TSGA10IP: variants seen among roughly 807,000 people sequenced by gnomAD.
The protein encoded by TSGA10IP is testis-specific protein 10-interacting protein.
In TSGA10IP, 64 loss-of-function variants were observed where a neutral mutation model predicts 63.2. The ratio of observed to expected loss-of-function variants is 1.01; its 90% CI spans 0.83 to 1.25. The LOEUF (loss-of-function observed/expected upper bound fraction) is 1.25. TSGA10IP is among the 50% of genes most tolerant of loss of function. The probability of loss-of-function intolerance (pLI) is 0.00; values close to 1 mark genes in which losing one functional copy is unlikely to be tolerated. For synonymous variants in TSGA10IP, 316 were observed against 298.3 expected (o/e 1.06, Z -0.61); for missense variants, 681 against 710.1 (o/e 0.96, Z 0.47).
chr11:65,949,199 G>C (rs1854900237), intron 4 of TSGA10IP, among the ~76,000 whole-genome samples: 3 of 152,084 alleles, frequency 2.0e-5, no homozygotes, highest in Admixed American at 2.0e-4. Context: ...GCGAGCCTCT[G>C]TTTCTAAAGC....
At chr11:65,953,799 C>A in intron 5 of TSGA10IP, 62 bp downstream of exon 5, 1 of 1,368,426 alleles carries the variant, frequency 7.3e-7, no homozygotes, top group East Asian at 2.7e-5. Context: ...TGTCAGGTCT[C>A]AGTCTACAGG....
At chr11:65,956,830 A>T (rs1237715587) in intron 5 of TSGA10IP, among the ~76,000 whole-genome samples, 1 of 152,136 alleles carries the variant, frequency 6.6e-6, no homozygotes, top group Non-Finnish European at 1.5e-5. Context: ...CGCCCAGCCA[A>T]GTGTTTTGTT....
chr11:65,946,402 G>C (rs1330856083), intron 1 of TSGA10IP, among the ~76,000 whole-genome samples: 1 of 152,058 alleles, frequency 6.6e-6, no homozygotes, highest in African/African-American at 2.4e-5. Flanking sequence ...TTAATATGCA[G>C]AACGGAGGTG....
At position 65,945,763 on chromosome 11, in the gene TSGA10IP, G is replaced by T; in HGVS notation, c.88G>T (p.Ala30Ser). The stretch of plus-strand genomic sequence containing the variant: ...ACCAGGGCAGGACGTGCGGCTCCAG[G>T]CTCCAGGAACCAGAACGGGGCTGCT... The change falls in exon 1 of 8, where the codon GCT (alanine) becomes TCT (serine). Residue 30 changes from alanine (A) to serine (S), a missense_variant. Physicochemically the swap from Ala to Ser is moderately conservative, Grantham distance 99 (BLOSUM62 1). Transcript: ENST00000532620. 6.2e-7 allele frequency: 1 copy of T among 1,613,874 alleles called. No homozygotes were observed. The highest frequency in any genetic ancestry group is 1.3e-5 in the African/African-American group (1 of 74,934).
chr11:65,945,802 A>G (rs777879300), exon 1 of TSGA10IP: 2 of 1,613,864 alleles, frequency 1.2e-6, no homozygotes, highest in Non-Finnish European at 1.7e-6. Context: ...GCTGCTGTCG[A>G]CCGTCTCTCA....
chr11:65,955,230 G>A (rs949221101), intron 5 of TSGA10IP, among the ~76,000 whole-genome samples: 1 of 148,854 alleles, frequency 6.7e-6, no homozygotes, highest in Admixed American at 6.7e-5. Context: ...AGGGGCTTTT[G>A]TTTTTTTTTT....
At chr11:65,956,102 G>A (rs1294555950) in intron 5 of TSGA10IP, among the ~76,000 whole-genome samples, 1 of 151,860 alleles carries the variant, frequency 6.6e-6, no homozygotes, top group Non-Finnish European at 1.5e-5. Context: ...ACGGCTCAGC[G>A]GGGTTCTTAT....
exon 1 of TSGA10IP, chr11:65,945,657 G>A (rs765126198): frequency 6.2e-5 from 100 of 1,611,850 alleles, no homozygotes; most frequent in East Asian, 2.2e-4. Context: ...TCTACGGTGC[G>A]GATGGGGGAT....
exon 3 of TSGA10IP, chr11:65,947,166 G>A: frequency 6.2e-7 from 1 of 1,610,796 alleles, no homozygotes. Flanking sequence ...GCCTGGGAGA[G>A]CATCGCCACA....
At chr11:65,959,053 G>T (rs779715048) in intron 6 of TSGA10IP, 71 bp downstream of exon 6, 8 of 1,582,604 alleles carry the variant, frequency 5.1e-6, no homozygotes, top group Non-Finnish European at 6.9e-6. Flanking sequence ...AGGGAAGCAG[G>T]ATGCGAGTAG....
Position 65,948,216 on chromosome 11 carries a change from A to G in TSGA10IP, c.1151+68A>G, listed in dbSNP as rs483834. On this transcript the variant is annotated intron_variant, in intron 4 of 7. Transcript: ENST00000532620. ...AGAGATGGAGCCACTTCTCCAAGAGATGCTTAGGCATTTGAACTCTCATTC... is the reference window on the plus strand; with the variant it reads ...AGAGATGGAGCCACTTCTCCAAGAGGTGCTTAGGCATTTGAACTCTCATTC... The G allele has an allele frequency of 1.2e-5, 18 of 1,497,374 alleles. No individual in the cohort carries two copies. The East Asian group carries it at 4.4e-4, about 37-fold the overall frequency. 92.8% of individuals were successfully genotyped at this position (1,497,374 alleles called of 1,614,324 possible).
At chr11:65,953,625 C>T (rs760323187) in exon 5 of TSGA10IP, 12 of 1,585,914 alleles carry the variant, frequency 7.6e-6, no homozygotes, top group African/African-American at 4.1e-5. Flanking sequence ...GGCCGAGCTG[C>T]GGCGGGCCCG....
At chr11:65,954,168 CTT>C (rs762331435) in intron 5 of TSGA10IP, among the ~76,000 whole-genome samples, 29 of 141,838 alleles carry the variant, frequency 2.0e-4, no homozygotes, top group Admixed American at 2.1e-4. Flanking sequence ...GACCATTTTC[CTT>C]TTTTTTTTTT....
intron 5 of TSGA10IP, among the ~76,000 whole-genome samples, chr11:65,954,818 CAAA>C (rs35841625): frequency 8.2e-5 from 6 of 72,838 alleles, no homozygotes; most frequent in Non-Finnish European, 9.7e-5. Context: ...AACTCCATCT[CAAA>C]AAAAAAAAAA....
exon 3 of TSGA10IP, chr11:65,947,221 C>G (rs1455109594): frequency 3.7e-6 from 6 of 1,608,508 alleles, no homozygotes; most frequent in Non-Finnish European, 5.1e-6. Flanking sequence ...CCCCTGGCCA[C>G]CAAGCCCTGC....
chr11:65,947,397 G>A, exon 3 of TSGA10IP: 1 of 1,613,210 alleles, frequency 6.2e-7, no homozygotes, highest in South Asian at 1.1e-5. Context: ...GGGGAGCTAG[G>A]ATCAGAGCCC....
At position 65,947,204 on chromosome 11, in the gene TSGA10IP, T is replaced by C. The variant is rs763868629; in HGVS notation, c.379T>C (p.Ser127Pro). ...TGTCCGGGCTGTGCTTCAGCCAAGC[T>C]CCCCAACCCCTGGCCACCAAGCCCT... The change falls in exon 3 of 8, where the codon TCC becomes CCC. Residue 127 changes from serine to proline, a missense_variant. Ser to Pro is a moderately conservative substitution (Grantham distance 74). Coordinates refer to ENST00000532620, the Ensembl canonical transcript of TSGA10IP. 3 of 1,607,482 alleles carry C rather than the reference T, an allele frequency of 1.9e-6. No individual in the cohort carries two copies. In the African/African-American group the frequency reaches 4.0e-5, roughly 21 times the overall value.
At position 65,947,104 on chromosome 11, in the gene TSGA10IP, C is replaced by T; in HGVS notation, c.285-6C>T. ...CGACCCTGACCCCCACCCTTTCCTT[C>T]TTCAGTCACTTCCCGCTTCTTCCTC... On this transcript the variant is annotated splice_polypyrimidine_tract_variant and splice_region_variant and intron_variant, in intron 2 of 7. Transcript: ENST00000532620. The T allele has an allele frequency of 6.2e-7, 1 of 1,609,498 alleles. No individual in the cohort carries two copies. The highest frequency in any genetic ancestry group is 8.5e-7 in the Non-Finnish European group (1 of 1,176,468).
At chr11:65,948,213 G>A (rs1854879915) in intron 4 of TSGA10IP, 65 bp downstream of exon 4, 1 of 1,512,696 alleles carries the variant, frequency 6.6e-7, no homozygotes, top group Non-Finnish European at 8.9e-7. Flanking sequence ...ACTTCTCCAA[G>A]AGATGCTTAG....
Sources: gnomAD v4.1 joint callset for allele counts (sites outside exome capture counted in the v4.1 genomes callset) on GRCh38, gnomAD v4.1.1 for gene constraint, MANE v1.5 for transcripts, NCBI Gene and HGNC (gene_info 2026-07-23, HGNC 2026-07-21) for gene names.